ALK: variants seen among roughly 807,000 people sequenced by gnomAD.
ALK encodes ALK tyrosine kinase receptor.
In ALK, 74 loss-of-function variants were observed where a neutral mutation model predicts 163.1. That is an observed-to-expected ratio of 0.45 (90% CI 0.38 to 0.55). The LOEUF (loss-of-function observed/expected upper bound fraction) is 0.55, where lower values mean the gene tolerates loss of function less well. ALK is among the 20% of genes least tolerant of loss of function. The pLI is 0.00. For missense variants in ALK, 2,063 were observed against 2,105.3 expected (o/e 0.98, Z 0.39); for synonymous variants, 960 against 843.2 (o/e 1.14, Z -2.40).
intron 1 of ALK, among the ~76,000 whole-genome samples, chr2:29,740,669 T>C (rs1680032415): frequency 6.6e-6 from 1 of 152,210 alleles, no homozygotes; most frequent in Non-Finnish European, 1.5e-5. Flanking sequence ...TTAATTGTGG[T>C]ACATCCCGAT....
chr2:29,297,286 G>A (rs1457028188), intron 8 of ALK, among the ~76,000 whole-genome samples: 2 of 152,124 alleles, frequency 1.3e-5, no homozygotes, highest in African/African-American at 4.8e-5. Context: ...CTTGGGCAGG[G>A]ACAACTGATG....
chr2:29,383,708 C>T (rs757161760), intron 5 of ALK, 24 bp downstream of exon 5: 20 of 1,613,750 alleles, frequency 1.2e-5, no homozygotes, highest in Admixed American at 3.3e-5. Context: ...TACCAAGGAG[C>T]GTGGGAAAGC....
At chr2:29,813,320 C>T (rs1057126897) in intron 1 of ALK, among the ~76,000 whole-genome samples, 1 of 152,122 alleles carries the variant, frequency 6.6e-6, no homozygotes, top group African/African-American at 2.4e-5. Flanking sequence ...GGCCAAACAT[C>T]CATTTCAGTC....
At chr2:29,585,832 T>C (rs1674870901) in intron 3 of ALK, among the ~76,000 whole-genome samples, 1 of 152,098 alleles carries the variant, frequency 6.6e-6, no homozygotes, top group Non-Finnish European at 1.5e-5. Context: ...AAAAAATCTT[T>C]CTAGAAATTT....
intron 3 of ALK, among the ~76,000 whole-genome samples, chr2:29,648,695 C>T (rs562115511): frequency 9.8e-4 from 149 of 152,264 alleles, no homozygotes; most frequent in African/African-American, 3.5e-3. Flanking sequence ...CAATTCACTC[C>T]ACTACTTTCT....
chr2:29,241,944 T>C (rs1055200977), intron 12 of ALK, among the ~76,000 whole-genome samples: 1 of 152,136 alleles, frequency 6.6e-6, no homozygotes. Context: ...CTCCCCAATG[T>C]GCTGCTGGGA....
chr2:29,719,538 C>T (rs181429985), intron 1 of ALK, among the ~76,000 whole-genome samples: 2 of 152,144 alleles, frequency 1.3e-5, no homozygotes, highest in African/African-American at 2.4e-5. Flanking sequence ...TAGTATGTAT[C>T]GAGCACATAT....
chr2:29,767,030 T>G (rs1189918185), intron 1 of ALK, among the ~76,000 whole-genome samples: 1 of 152,138 alleles, frequency 6.6e-6, no homozygotes, highest in Non-Finnish European at 1.5e-5. Flanking sequence ...CTCCAAAATC[T>G]CTTACAGTGA....
At chr2:29,250,453 T>C (rs1331090585) in intron 12 of ALK, among the ~76,000 whole-genome samples, 10 of 152,154 alleles carry the variant, frequency 6.6e-5, no homozygotes, top group Non-Finnish European at 1.2e-4. Flanking sequence ...ATGTCAGTTC[T>C]CAGCCCCCAC....
intron 3 of ALK, among the ~76,000 whole-genome samples, chr2:29,612,718 G>T (rs1471797435): frequency 3.9e-5 from 6 of 152,142 alleles, no homozygotes; most frequent in Non-Finnish European, 8.8e-5. Flanking sequence ...CATGAAGGGG[G>T]TGCTGGGAGT....
chr2:29,232,495 C>T (rs952560162), intron 14 of ALK, 47 bp from the exon 15 acceptor site: 10 of 1,612,130 alleles, frequency 6.2e-6, no homozygotes, highest in African/African-American at 4.0e-5. Flanking sequence ...GCTGTGCTTC[C>T]CCCTGGAGCC....
At chr2:29,451,362 CT>C (rs1347191115) in intron 4 of ALK, among the ~76,000 whole-genome samples, 1 of 152,166 alleles carries the variant, frequency 6.6e-6, no homozygotes, top group African/African-American at 2.4e-5. Flanking sequence ...CCATCCACAG[CT>C]CCCCCACTGC....
chr2:29,487,004 T>C (rs531578284), intron 4 of ALK, among the ~76,000 whole-genome samples: 11 of 152,314 alleles, frequency 7.2e-5, no homozygotes, highest in Middle Eastern at 3.4e-3. Context: ...AGGGTAACAA[T>C]GGCGAATACA....
chr2:29,869,946 T>G (rs974692772), intron 1 of ALK, among the ~76,000 whole-genome samples: 1 of 152,184 alleles, frequency 6.6e-6, no homozygotes, highest in Non-Finnish European at 1.5e-5. Flanking sequence ...ATATCCAACC[T>G]GATGGTTATC....
At chr2:29,318,891 G>A (rs918442971) in intron 7 of ALK, among the ~76,000 whole-genome samples, 1 of 152,120 alleles carries the variant, frequency 6.6e-6, no homozygotes, top group Non-Finnish European at 1.5e-5. Flanking sequence ...AACTGCCTGT[G>A]AGGTCCCAGC....
At chr2:29,625,943 C>A (rs1334723098) in intron 3 of ALK, among the ~76,000 whole-genome samples, 2 of 152,224 alleles carry the variant, frequency 1.3e-5, no homozygotes, top group Non-Finnish European at 2.9e-5. Flanking sequence ...TTGGAAAGGG[C>A]TTTGAAGATT....
At chr2:29,465,357 T>C (rs1438234885) in intron 4 of ALK, among the ~76,000 whole-genome samples, 1 of 152,112 alleles carries the variant, frequency 6.6e-6, no homozygotes, top group African/African-American at 2.4e-5. Flanking sequence ...TGAAGAAAAA[T>C]AGTTTTTTAG....
chr2:29,567,669 CCCAAGGTGCGTCTGG>C lies in ALK; in HGVS notation c.953-35568_953-35554del, dbSNP rs369254377. On this transcript the variant is annotated intron_variant, in intron 3 of 28. Transcript: ENST00000389048. ...ATTGCACAGACTCCCCGAAACCATT[CCCAAGGTGCGTCTGG>C]CCACGTTTCCACTCTCCAAGAGAAG... Among the ~76,000 whole-genome samples, 1,079 of 152,182 alleles carry C rather than the reference CCCAAGGTGCGTCTGG, an allele frequency of 7.1e-3. 7 individuals carry two copies. The highest frequency in any genetic ancestry group is 0.024 in the African/African-American group (1,017 of 41,514).
chr2:29,496,953 G>A (rs1022025563), intron 4 of ALK, among the ~76,000 whole-genome samples: 3 of 152,148 alleles, frequency 2.0e-5, no homozygotes, highest in South Asian at 4.1e-4. Context: ...ATCACATTCC[G>A]GGCACTATAG....
Sources: gnomAD v4.1 joint callset for allele counts (sites outside exome capture counted in the v4.1 genomes callset) on GRCh38, gnomAD v4.1.1 for gene constraint, MANE v1.5 for transcripts, NCBI Gene and HGNC (gene_info 2026-07-23, HGNC 2026-07-21) for gene names.